SGCZ: variants seen among roughly 807,000 people sequenced by gnomAD.
SGCZ encodes zeta-sarcoglycan.
A neutral mutation model predicts 41.3 loss-of-function variants in SGCZ; 40 were observed. The ratio of observed to expected loss-of-function variants is 0.97; its 90% CI spans 0.75 to 1.26. SGCZ has a LOEUF of 1.26. SGCZ is among the 50% of genes most tolerant of loss of function. The pLI is 0.00. For synonymous variants in SGCZ, 206 were observed against 137.5 expected, an observed-to-expected ratio of 1.50 and a Z score of -3.49; for missense variants, 552 against 369.8, an observed-to-expected ratio of 1.49 and a Z score of -4.04.
chr8:14,755,536 TAAC>T (rs751280165), intron 1 of SGCZ, among the ~76,000 whole-genome samples: 6 of 152,204 alleles, frequency 3.9e-5, no homozygotes, highest in Non-Finnish European at 5.9e-5. Flanking sequence ...AATAAGCTCT[TAAC>T]AACAACTTTT....
chr8:15,198,723 C>T (rs1800808418), intron 1 of SGCZ, among the ~76,000 whole-genome samples: 1 of 152,174 alleles, frequency 6.6e-6, no homozygotes, highest in Non-Finnish European at 1.5e-5. Flanking sequence ...CTGTGCCAGC[C>T]TCTTGCTACT....
chr8:14,993,342 C>T (rs1323000331), intron 1 of SGCZ, among the ~76,000 whole-genome samples: 1 of 151,970 alleles, frequency 6.6e-6, no homozygotes, highest in Non-Finnish European at 1.5e-5. Flanking sequence ...CTAGGATGTA[C>T]CCAAAAACCA....
chr8:14,889,679 G>A (rs1043070236), intron 1 of SGCZ, among the ~76,000 whole-genome samples: 3 of 151,718 alleles, frequency 2.0e-5, no homozygotes, highest in Non-Finnish European at 4.4e-5. Context: ...ATGTTATTAT[G>A]TATTTGAACA....
rs192355466 is a variant in SGCZ at position 14,105,250 on chromosome 8, C to G, written c.621-2751G>C. On this transcript the variant is annotated intron_variant, in intron 6 of 7. Coordinates refer to ENST00000382080, the MANE Select transcript of SGCZ (RefSeq NM_139167.4). ...CACAGAACTTGAGAAATACTAGACA[C>G]TCACTCATCAAACAGCTGCTGAATA... 8.4e-3 allele frequency among the ~76,000 whole-genome samples: 1,275 copies of G among 152,114 alleles called. 18 individuals are homozygous for G. Among genetic ancestry groups the G allele is most frequent in the African/African-American group, 0.029 (1,217 of 41,524 alleles).
chr8:15,132,226 G>A (rs1002506387), intron 1 of SGCZ, among the ~76,000 whole-genome samples: 1 of 152,140 alleles, frequency 6.6e-6, no homozygotes, highest in African/African-American at 2.4e-5. Context: ...AAAAGTGATT[G>A]GAAAAGAGCA....
chr8:14,343,080 T>G (rs1222493629), intron 2 of SGCZ, among the ~76,000 whole-genome samples: 2 of 152,194 alleles, frequency 1.3e-5, no homozygotes, highest in African/African-American at 2.4e-5. Flanking sequence ...CCACATGGTG[T>G]TGAGCCTACA....
At chr8:14,980,342 G>A (rs567143792) in intron 1 of SGCZ, among the ~76,000 whole-genome samples, 2 of 152,262 alleles carry the variant, frequency 1.3e-5, no homozygotes, top group South Asian at 4.1e-4. Flanking sequence ...CAGAGACCTG[G>A]GATACCCAAG....
chr8:14,937,848 T>C (rs1466591498), intron 1 of SGCZ, among the ~76,000 whole-genome samples: 3 of 152,098 alleles, frequency 2.0e-5, no homozygotes, highest in Non-Finnish European at 4.4e-5. Context: ...ATCAGGAATG[T>C]TATAAAGGCA....
At chr8:14,263,396 A>G (rs1405709846) in intron 3 of SGCZ, among the ~76,000 whole-genome samples, 2 of 152,100 alleles carry the variant, frequency 1.3e-5, no homozygotes, top group East Asian at 3.9e-4. Flanking sequence ...CAAAAATACA[A>G]AAATTAGCCA....
intron 3 of SGCZ, among the ~76,000 whole-genome samples, chr8:14,285,304 G>A (rs1800584919): frequency 6.6e-6 from 1 of 152,068 alleles, no homozygotes; most frequent in South Asian, 2.1e-4. Context: ...TTTCTTAAGG[G>A]AGGAGCAACC....
chr8:14,864,145 C>G (rs534694795), intron 1 of SGCZ, among the ~76,000 whole-genome samples: 1 of 152,230 alleles, frequency 6.6e-6, no homozygotes, highest in Admixed American at 6.5e-5. Context: ...AACAAAACAT[C>G]ATTGGATTTT....
intron 1 of SGCZ, among the ~76,000 whole-genome samples, chr8:14,815,525 T>C (rs1232641303): frequency 6.6e-6 from 1 of 152,084 alleles, no homozygotes; most frequent in East Asian, 1.9e-4. Flanking sequence ...CAGGAATAAA[T>C]CACTATGAAT....
intron 1 of SGCZ, among the ~76,000 whole-genome samples, chr8:14,968,717 T>C (rs1250572914): frequency 6.6e-6 from 1 of 151,998 alleles, no homozygotes; most frequent in Non-Finnish European, 1.5e-5. Flanking sequence ...CTAAGCTGAG[T>C]GTTTAAAGGC....
At chr8:14,494,034 T>C (rs1481122493) in intron 2 of SGCZ, among the ~76,000 whole-genome samples, 1 of 152,182 alleles carries the variant, frequency 6.6e-6, no homozygotes, top group Non-Finnish European at 1.5e-5. Flanking sequence ...AATAATGTAC[T>C]ACCCATTCAT....
At chr8:14,551,268 C>G (rs68146051) in intron 2 of SGCZ, among the ~76,000 whole-genome samples, 42,087 of 141,966 alleles carry the variant, frequency 0.3, 6,782 homozygotes, top group East Asian at 0.52. Flanking sequence ...TGAGTGTTGA[C>G]GCTAGAAAAG....
chr8:15,186,427 C>T (rs1017058705), intron 1 of SGCZ, among the ~76,000 whole-genome samples: 5 of 152,066 alleles, frequency 3.3e-5, no homozygotes, highest in Non-Finnish European at 7.4e-5. Flanking sequence ...ATGATCTACT[C>T]ATAAATGTAA....
intron 1 of SGCZ, among the ~76,000 whole-genome samples, chr8:14,678,063 A>C (rs9643983): frequency 0.55 from 84,141 of 151,998 alleles, 24,619 homozygotes; most frequent in East Asian, 0.76. Context: ...TCACAAACTT[A>C]AATGGAAAAC....
chr8:14,778,329 G>A (rs1196608665), intron 1 of SGCZ, among the ~76,000 whole-genome samples: 1 of 152,140 alleles, frequency 6.6e-6, no homozygotes, highest in Non-Finnish European at 1.5e-5. Flanking sequence ...GATTTCTCAA[G>A]AGAGGACACT....
At chr8:15,095,526 A>G (rs1216141160) in intron 1 of SGCZ, among the ~76,000 whole-genome samples, 1 of 152,204 alleles carries the variant, frequency 6.6e-6, no homozygotes, top group Non-Finnish European at 1.5e-5. Context: ...ATTTGAATGT[A>G]TTTGAATTCG....
Sources: allele counts gnomAD v4.1 joint callset (sites outside exome capture counted in the v4.1 genomes callset), GRCh38; gene constraint gnomAD v4.1.1; transcripts MANE v1.5; gene names NCBI Gene and HGNC (gene_info 2026-07-23, HGNC 2026-07-21).